Variants in CSMD3 observed in about 807,000 individuals in gnomAD.
CSMD3 encodes CUB and Sushi multiple domains 3.
Under a neutral mutation model 435.2 loss-of-function variants are expected in CSMD3, and 177 were observed. The observed-to-expected ratio is 0.41, with a 90% CI of 0.36 to 0.46. The LOEUF (loss-of-function observed/expected upper bound fraction) is 0.46. Ranked by LOEUF, CSMD3 falls within the 20% of genes least tolerant of loss-of-function variation. The pLI, the probability that CSMD3 is intolerant of heterozygous loss-of-function variation, is 0.34. For missense variants in CSMD3, 4,265 were observed against 4,504.6 expected, an observed-to-expected ratio of 0.95 and a Z score of 1.52; for synonymous variants, 1,656 against 1,520.5, an observed-to-expected ratio of 1.09 and a Z score of -2.07.
chr8:112,844,761 C>T (rs1754982109), intron 11 of CSMD3, among the ~76,000 whole-genome samples: 1 of 151,812 alleles, frequency 6.6e-6, no homozygotes, highest in South Asian at 2.1e-4. Context: ...GACATCCAAA[C>T]CTAATCATAA....
chr8:113,326,525 ATATAT>A (rs951140570), intron 1 of CSMD3, among the ~76,000 whole-genome samples: 43 of 152,250 alleles, frequency 2.8e-4, no homozygotes, highest in African/African-American at 8.9e-4. Context: ...GTCAAGGAAC[ATATAT>A]TATTTTATTA....
chr8:113,211,703 T>C (rs931011500), intron 3 of CSMD3, among the ~76,000 whole-genome samples: 3 of 151,864 alleles, frequency 2.0e-5, no homozygotes, highest in Non-Finnish European at 4.4e-5. Flanking sequence ...AATAAATAAA[T>C]AAATAAATAA....
At chr8:112,359,333 A>G (rs1346179932) in intron 38 of CSMD3, among the ~76,000 whole-genome samples, 1 of 152,112 alleles carries the variant, frequency 6.6e-6, no homozygotes. Flanking sequence ...CACCCTCTAC[A>G]TTCTTTTTGG....
intron 32 of CSMD3, among the ~76,000 whole-genome samples, chr8:112,444,830 C>T (rs1229318735): frequency 6.6e-6 from 1 of 152,084 alleles, no homozygotes; most frequent in East Asian, 1.9e-4. Flanking sequence ...AGTCACTGAG[C>T]TGTACACTTA....
chr8:112,638,552 C>A, intron 21 of CSMD3, 144 bp downstream of exon 21: 1 of 635,568 alleles, frequency 1.6e-6, no homozygotes, highest in Non-Finnish European at 2.8e-6. Flanking sequence ...TAAAACTTGA[C>A]ACATACTACT....
intron 10 of CSMD3, among the ~76,000 whole-genome samples, chr8:112,896,071 A>G (rs998085726): frequency 1.3e-5 from 2 of 151,418 alleles, no homozygotes; most frequent in African/African-American, 4.8e-5. Flanking sequence ...AACTTTATCA[A>G]TTTGTTCCCA....
chr8:113,173,738 A>G lies in CSMD3; in HGVS notation c.693T>C (p.Pro231=). ...TCATTTTACCTCTACAGATAGGAAC[A>G]GGAAAATCCCACGAAGCTGTATTAA... ...NSVNTASWDF[P]VPICRAEDAC... is the part of the protein sequence containing the mutation. Residue 231 remains proline (P), a synonymous_variant, in exon 4 of 71, where the codon CCT becomes CCC. Transcript: ENST00000297405. 6.2e-7 allele frequency: 1 copy of G among 1,612,752 alleles called. No individual in the cohort carries two copies. The highest frequency in any genetic ancestry group is 8.5e-7 in the Non-Finnish European group (1 of 1,178,838).
intron 2 of CSMD3, among the ~76,000 whole-genome samples, chr8:113,295,499 A>C (rs763804967): frequency 6.6e-6 from 1 of 152,226 alleles, no homozygotes; most frequent in African/African-American, 2.4e-5. Flanking sequence ...AATATTAGCT[A>C]TCTAAAGGTA....
At chr8:112,291,397 A>C (rs1348939581) in intron 56 of CSMD3, 113 bp downstream of exon 56, 5 of 786,858 alleles carry the variant, frequency 6.4e-6, no homozygotes, top group East Asian at 2.7e-5. Flanking sequence ...TAAAACAATA[A>C]AATCAATATG....
chr8:112,551,504 A>G lies in CSMD3; in HGVS notation c.4362-631T>C, dbSNP rs74848144. Among the ~76,000 whole-genome samples, 386 of 152,252 alleles carry G rather than the reference A, an allele frequency of 2.5e-3. 2 individuals are homozygous for G. The highest frequency in any genetic ancestry group is 9.0e-3 in the African/African-American group (374 of 41,568). On this transcript the variant is annotated intron_variant, in intron 26 of 70. Transcript: ENST00000297405. ...ATTGACATGCTCAACTCTACATACA[A>G]TACATTTATGTTTGATACATGAATC... is the stretch of plus-strand genomic sequence containing the variant.
intron 5 of CSMD3, among the ~76,000 whole-genome samples, chr8:113,036,125 T>C (rs2131264883): frequency 6.6e-6 from 1 of 152,104 alleles, no homozygotes; most frequent in South Asian, 2.1e-4. Context: ...TTATTTATTG[T>C]TTTCATTGGA....
At chr8:112,250,501 T>A (rs889994763) in intron 63 of CSMD3, among the ~76,000 whole-genome samples, 13 of 151,624 alleles carry the variant, frequency 8.6e-5, no homozygotes, top group Admixed American at 3.3e-4. Flanking sequence ...TTGTCAGTGA[T>A]GAACCCACTT....
At chr8:112,700,565 T>C (rs1321935766) in intron 13 of CSMD3, among the ~76,000 whole-genome samples, 1 of 152,114 alleles carries the variant, frequency 6.6e-6, no homozygotes, top group Non-Finnish European at 1.5e-5. Flanking sequence ...TTTTTATTAT[T>C]GGCCAGTATT....
chr8:112,430,521 C>G (rs1010797257), intron 32 of CSMD3, among the ~76,000 whole-genome samples: 1 of 151,728 alleles, frequency 6.6e-6, no homozygotes, highest in African/African-American at 2.4e-5. Context: ...TAACTGGGAT[C>G]AGGAAGAAAC....
chr8:112,738,579 G>A (rs1408830318), intron 13 of CSMD3, among the ~76,000 whole-genome samples: 1 of 151,622 alleles, frequency 6.6e-6, no homozygotes, highest in East Asian at 1.9e-4. Context: ...CTTGGGAAAA[G>A]GGGAAATCCT....
intron 15 of CSMD3, among the ~76,000 whole-genome samples, chr8:112,683,135 A>G (rs2075937722): frequency 6.6e-6 from 1 of 151,988 alleles, no homozygotes; most frequent in Non-Finnish European, 1.5e-5. Flanking sequence ...CAACTTTTTA[A>G]ATAATTTTCC....
intron 32 of CSMD3, among the ~76,000 whole-genome samples, chr8:112,457,144 G>T (rs1435435532): frequency 6.6e-6 from 1 of 152,088 alleles, no homozygotes; most frequent in East Asian, 1.9e-4. Context: ...CATTTTAGAA[G>T]TAACAGAAGA....
intron 32 of CSMD3, among the ~76,000 whole-genome samples, chr8:112,433,654 C>CAAAAAAAAA (rs35572894): frequency 8.6e-5 from 8 of 93,156 alleles, no homozygotes; most frequent in Non-Finnish European, 1.5e-4. Flanking sequence ...GAGAACCTGT[C>CAAAAAAAAA]AAAAAAAAAA....
intron 11 of CSMD3, among the ~76,000 whole-genome samples, chr8:112,843,282 C>A (rs1228767315): frequency 1.3e-5 from 2 of 151,766 alleles, no homozygotes; most frequent in Non-Finnish European, 2.9e-5. Flanking sequence ...GGGCTCCTCC[C>A]TTGTAAATGG....
Sources: gnomAD v4.1 joint callset for allele counts (sites outside exome capture counted in the v4.1 genomes callset) on GRCh38, gnomAD v4.1.1 for gene constraint, MANE v1.5 for transcripts, NCBI Gene and HGNC (gene_info 2026-07-23, HGNC 2026-07-21) for gene names.